BTNL8: variants seen among roughly 807,000 people sequenced by gnomAD.
The protein encoded by BTNL8 is butyrophilin-like protein 8.
A neutral mutation model predicts 36.1 loss-of-function variants in BTNL8; 22 were observed. That is an observed-to-expected ratio of 0.61 (90% CI 0.44 to 0.87). BTNL8 has a LOEUF of 0.87. Among genes scored for constraint, BTNL8 ranks in the 40% least tolerant of loss-of-function variants. The pLI is 0.00. For missense variants in BTNL8, 526 were observed against 616.9 expected (o/e 0.85, Z 1.56); for synonymous variants, 203 against 235.6 (o/e 0.86, Z 1.27).
At chr5:180,915,463 G>A (rs1757586407) in intron 3 of BTNL8, among the ~76,000 whole-genome samples, 1 of 152,222 alleles carries the variant, frequency 6.6e-6, no homozygotes, top group African/African-American at 2.4e-5. Flanking sequence ...CTGCTTTGCA[G>A]GACTGAGAAA....
intron 2 of BTNL8, among the ~76,000 whole-genome samples, chr5:180,910,443 A>G (rs1757337293): frequency 6.6e-6 from 1 of 152,156 alleles, no homozygotes; most frequent in Non-Finnish European, 1.5e-5. Context: ...CCTGCTTATC[A>G]TCAAACACCT....
At chr5:180,909,894 AC>A (rs2113779843) in intron 2 of BTNL8, 1 of 152,296 alleles carries the variant, frequency 6.6e-6, no homozygotes, top group Non-Finnish European at 1.5e-5. Flanking sequence ...CAATTGGCAT[AC>A]GACTCCCCAC....
chr5:180,923,507 G>A (rs1702934931), intron 3 of BTNL8, among the ~76,000 whole-genome samples: 1 of 152,184 alleles, frequency 6.6e-6, no homozygotes, highest in East Asian at 1.9e-4. Context: ...CAACAGAAGA[G>A]CAGTTCTTTC....
chr5:180,938,663 G>A (rs913902729), intron 3 of BTNL8, among the ~76,000 whole-genome samples: 3 of 151,448 alleles, frequency 2.0e-5, no homozygotes, highest in African/African-American at 4.9e-5. Flanking sequence ...TTAGCCTCTC[G>A]AGTAGCTGGG....
chr5:180,948,279 T>G, intron 4 of BTNL8, 76 bp from the exon 5 acceptor site: 1 of 1,464,202 alleles, frequency 6.8e-7, no homozygotes, highest in African/African-American at 1.4e-5. Flanking sequence ...TCGTCCCACC[T>G]GTGCAAGGAG....
intron 3 of BTNL8, among the ~76,000 whole-genome samples, chr5:180,936,164 C>T (rs908090516): frequency 1.3e-5 from 2 of 152,020 alleles, no homozygotes; most frequent in African/African-American, 4.8e-5. Flanking sequence ...TTGCCTTGTC[C>T]TCCGAAAGTG....
chr5:180,947,790 T>C, intron 4 of BTNL8, 165 bp downstream of exon 4: 7 of 1,600,578 alleles, frequency 4.4e-6, no homozygotes, highest in Non-Finnish European at 5.1e-6. Flanking sequence ...CTAACATCTC[T>C]TCCTCTGGAA....
intron 2 of BTNL8, chr5:180,909,427 A>C (rs1167990695): frequency 2.3e-6 from 1 of 432,434 alleles, no homozygotes; most frequent in East Asian, 1.6e-4. Context: ...ATTAACAAAT[A>C]AAGATTCCTG....
intron 3 of BTNL8, among the ~76,000 whole-genome samples, chr5:180,913,605 A>C (rs1561932099): frequency 6.6e-6 from 1 of 152,234 alleles, no homozygotes; most frequent in Non-Finnish European, 1.5e-5. Flanking sequence ...TGGCCTCACT[A>C]ATCAGAGATC....
intron 1 of BTNL8, chr5:180,902,384 T>C (rs1756859064): frequency 1.3e-6 from 2 of 1,551,068 alleles, no homozygotes; most frequent in Non-Finnish European, 1.7e-6. Flanking sequence ...GATGTGGACA[T>C]GGTTTGTCAA....
chr5:180,937,401 T>C (rs1485167285), intron 3 of BTNL8, among the ~76,000 whole-genome samples: 1 of 152,180 alleles, frequency 6.6e-6, no homozygotes, highest in African/African-American at 2.4e-5. Context: ...CCAATGTTGA[T>C]TACAGCTGAA....
At chr5:180,902,330 A>G in intron 1 of BTNL8, 1 of 1,546,176 alleles carries the variant, frequency 6.5e-7, no homozygotes, top group Non-Finnish European at 8.8e-7. Context: ...AACATTAATA[A>G]TACACATTTC....
At chr5:180,912,975 C>A (rs1757474245) in intron 3 of BTNL8, among the ~76,000 whole-genome samples, 1 of 152,064 alleles carries the variant, frequency 6.6e-6, no homozygotes, top group South Asian at 2.1e-4. Flanking sequence ...TCCATGAGTG[C>A]CCTGAAAGAG....
chr5:180,919,005 G>A (rs1055696583), intron 3 of BTNL8, among the ~76,000 whole-genome samples: 4 of 152,096 alleles, frequency 2.6e-5, no homozygotes, highest in Non-Finnish European at 4.4e-5. Context: ...CAGTCTCTTC[G>A]GGATCAGACA....
At chr5:180,929,778 C>T (rs1045275336) in intron 3 of BTNL8, among the ~76,000 whole-genome samples, 15 of 152,098 alleles carry the variant, frequency 9.9e-5, no homozygotes, top group African/African-American at 3.4e-4. Context: ...AAGTCAAATC[C>T]CTGAATAGAC....
intron 3 of BTNL8, among the ~76,000 whole-genome samples, chr5:180,922,626 T>A (rs1379530473): frequency 1.3e-5 from 1 of 76,726 alleles, no homozygotes; most frequent in African/African-American, 7.2e-5. Context: ...GTGGTCAGTT[T>A]TAAAGTATGT....
At chr5:180,905,353 C>T (rs1757030717) in intron 1 of BTNL8, among the ~76,000 whole-genome samples, 1 of 141,750 alleles carries the variant, frequency 7.1e-6, no homozygotes, top group African/African-American at 2.9e-5. Flanking sequence ...GTTTGTATTT[C>T]TGTGGGATCG....
intron 2 of BTNL8, 76 bp downstream of exon 2, chr5:180,909,009 A>C: frequency 7.0e-7 from 1 of 1,425,344 alleles, no homozygotes; most frequent in Non-Finnish European, 9.5e-7. Flanking sequence ...TCAATAAGGA[A>C]ATTTTAAAAT....
At chr5:180,934,930 A>T (rs1366364889) in intron 3 of BTNL8, among the ~76,000 whole-genome samples, 1 of 130,564 alleles carries the variant, frequency 7.7e-6, no homozygotes. Flanking sequence ...AGAATGTGGT[A>T]CACAGACAAC....
Sources: allele counts gnomAD v4.1 joint callset (sites outside exome capture counted in the v4.1 genomes callset), GRCh38; gene constraint gnomAD v4.1.1; transcripts MANE v1.5; gene names NCBI Gene and HGNC (gene_info 2026-07-23, HGNC 2026-07-21).